The following MGAT4C variants were observed in gnomAD, a reference collection of about 807,000 sequenced individuals.
MGAT4C encodes MGAT4 family member C.
In MGAT4C, 19 loss-of-function variants were observed where a neutral mutation model predicts 40.1. The ratio of observed to expected loss-of-function variants is 0.47; its 90% CI spans 0.33 to 0.70. The LOEUF (loss-of-function observed/expected upper bound fraction) is 0.70, where lower values mean the gene tolerates loss of function less well. MGAT4C is among the 30% of genes least tolerant of loss of function. MGAT4C has a pLI of 0.02. For missense variants in MGAT4C, 491 were observed against 563.2 expected (o/e 0.87, Z 1.30); for synonymous variants, 181 against 187.1 (o/e 0.97, Z 0.27).
At chr12:86,518,727 G>T (rs183468446) in intron 2 of MGAT4C, among the ~76,000 whole-genome samples, 4 of 152,184 alleles carry the variant, frequency 2.6e-5, no homozygotes, top group African/African-American at 9.6e-5. Flanking sequence ...AAAAAGACTT[G>T]CACACTACTA....
intron 1 of MGAT4C, among the ~76,000 whole-genome samples, chr12:86,083,944 C>T (rs927310420): frequency 2.0e-5 from 3 of 152,032 alleles, no homozygotes; most frequent in African/African-American, 7.2e-5. Context: ...AAATTCTACT[C>T]ATGTTGAACA....
chr12:86,740,304 A>G (rs961344162), intron 1 of MGAT4C, among the ~76,000 whole-genome samples: 1 of 151,254 alleles, frequency 6.6e-6, no homozygotes, highest in African/African-American at 2.4e-5. Context: ...AATCATGGTC[A>G]TAAGGATAGG....
intron 3 of MGAT4C, among the ~76,000 whole-genome samples, chr12:86,396,242 T>C (rs1456897946): frequency 1.3e-5 from 2 of 152,190 alleles, no homozygotes; most frequent in Non-Finnish European, 2.9e-5. Context: ...TTCTAAGTTA[T>C]TGTGAGTTTA....
At chr12:86,415,419 T>A (rs1956688940) in intron 3 of MGAT4C, among the ~76,000 whole-genome samples, 1 of 151,906 alleles carries the variant, frequency 6.6e-6, no homozygotes, top group Admixed American at 6.6e-5. Context: ...GGATAATAAT[T>A]GAGAGAAGAG....
At chr12:85,997,250 C>A (rs1203012998) in intron 2 of MGAT4C, among the ~76,000 whole-genome samples, 2 of 152,130 alleles carry the variant, frequency 1.3e-5, no homozygotes, top group Non-Finnish European at 2.9e-5. Flanking sequence ...ACAAGAAAGA[C>A]CTGCCTCTGT....
intron 2 of MGAT4C, among the ~76,000 whole-genome samples, chr12:86,548,061 T>C (rs895142785): frequency 6.6e-6 from 1 of 152,156 alleles, no homozygotes; most frequent in Non-Finnish European, 1.5e-5. Context: ...TACATACATA[T>C]GCACATGCAT....
intron 1 of MGAT4C, among the ~76,000 whole-genome samples, chr12:86,146,499 T>C (rs1218563483): frequency 1.3e-5 from 2 of 152,140 alleles, no homozygotes; most frequent in Non-Finnish European, 2.9e-5. Context: ...TTTAAAAGTA[T>C]TTTTAATAGA....
intron 2 of MGAT4C, among the ~76,000 whole-genome samples, chr12:86,489,599 C>T (rs928717900): frequency 3.3e-5 from 5 of 152,208 alleles, no homozygotes; most frequent in African/African-American, 9.6e-5. Context: ...GCACCCTGAC[C>T]TGGATGCTAC....
At chr12:86,323,634 A>G (rs901237673) in intron 4 of MGAT4C, among the ~76,000 whole-genome samples, 3 of 151,912 alleles carry the variant, frequency 2.0e-5, no homozygotes, top group African/African-American at 4.8e-5. Context: ...GCAAAACAAT[A>G]TAACTACCGT....
chr12:86,651,770 A>AATG (rs1963705055), intron 2 of MGAT4C, among the ~76,000 whole-genome samples: 1 of 151,884 alleles, frequency 6.6e-6, no homozygotes, highest in South Asian at 2.1e-4. Context: ...CATTTAGACT[A>AATG]ACACTGTAAT....
intron 2 of MGAT4C, among the ~76,000 whole-genome samples, chr12:86,546,393 A>C (rs1263566966): frequency 6.6e-6 from 1 of 151,848 alleles, no homozygotes; most frequent in Non-Finnish European, 1.5e-5. Flanking sequence ...GAAGAAAAAG[A>C]AGCTCAGTTT....
Position 86,049,721 on chromosome 12 carries a change from A to G in MGAT4C, c.-54T>C. ...TCTGTGCTGTACAGAAACCGTTGAT[A>G]CCCTGGAAAAAAGAAAGTCTAATAT... On this transcript the variant is annotated splice_region_variant and 5_prime_UTR_variant, in exon 2 of 5. Coordinates refer to ENST00000611864, the MANE Select transcript of MGAT4C (RefSeq NM_001351288.2). 1.0e-6 allele frequency: 1 copy of G among 981,236 alleles called. No homozygotes were observed. Among genetic ancestry groups the G allele is most frequent in the Non-Finnish European group, 1.2e-6 (1 of 825,866 alleles). The allele number at this position is 981,236 out of a possible 1,614,324, so 60.8% of individuals were successfully genotyped here. A position where few individuals can be genotyped will look rare whatever the true frequency, so the allele number is the denominator to read the frequency against.
At chr12:86,668,173 A>G (rs368943216) in intron 2 of MGAT4C, among the ~76,000 whole-genome samples, 203 of 152,338 alleles carry the variant, frequency 1.3e-3, no homozygotes, top group African/African-American at 4.6e-3. Context: ...AGGGGCTTTT[A>G]ACATGCCTCA....
chr12:86,774,864 T>G (rs928551716), intron 1 of MGAT4C, among the ~76,000 whole-genome samples: 1 of 152,150 alleles, frequency 6.6e-6, no homozygotes, highest in African/African-American at 2.4e-5. Context: ...GAGTACTTCA[T>G]TACATGATAA....
At chr12:86,443,957 A>G (rs1040226486) in intron 2 of MGAT4C, among the ~76,000 whole-genome samples, 3 of 152,162 alleles carry the variant, frequency 2.0e-5, no homozygotes, top group Admixed American at 6.5e-5. Flanking sequence ...TCTTATTCAT[A>G]TAAGTTACTC....
intron 3 of MGAT4C, among the ~76,000 whole-genome samples, chr12:86,347,201 C>T (rs1273683533): frequency 6.6e-6 from 1 of 152,120 alleles, no homozygotes; most frequent in Admixed American, 6.6e-5. Flanking sequence ...TACATATATG[C>T]TATTAGTTCT....
chr12:86,132,539 A>AAC (rs1881343481), intron 1 of MGAT4C, among the ~76,000 whole-genome samples: 1 of 152,178 alleles, frequency 6.6e-6, no homozygotes, highest in Non-Finnish European at 1.5e-5. Flanking sequence ...CACGCCTGTA[A>AAC]TCCCAGCACT....
At chr12:86,591,715 T>C (rs1961338629) in intron 2 of MGAT4C, among the ~76,000 whole-genome samples, 2 of 151,672 alleles carry the variant, frequency 1.3e-5, no homozygotes, top group Non-Finnish European at 2.9e-5. Flanking sequence ...ATACAAATGT[T>C]CCAGAATTTA....
intron 1 of MGAT4C, among the ~76,000 whole-genome samples, chr12:86,147,200 T>C (rs573351654): frequency 6.6e-6 from 1 of 152,318 alleles, no homozygotes; most frequent in Admixed American, 6.5e-5. Flanking sequence ...TAAGACTAGA[T>C]GAGGTGAGGG....
Sources: gnomAD v4.1 joint callset for allele counts (sites outside exome capture counted in the v4.1 genomes callset) on GRCh38, gnomAD v4.1.1 for gene constraint, MANE v1.5 for transcripts, NCBI Gene and HGNC (gene_info 2026-07-23, HGNC 2026-07-21) for gene names.